Variants in CDH2 observed in about 807,000 individuals in gnomAD.
CDH2 encodes cadherin 2, also known as cadherin-2.
CDH2 carries 17 observed loss-of-function variants against 92.0 expected under a neutral mutation model. The observed-to-expected ratio is 0.18, with a 90% CI of 0.13 to 0.28. The LOEUF is 0.28. Ranked by LOEUF, CDH2 falls within the 10% of genes least tolerant of loss-of-function variation. The pLI, the probability that CDH2 is intolerant of heterozygous loss-of-function variation, is 1.00. For missense variants in CDH2, 862 were observed against 1,133.1 expected (o/e 0.76, Z 3.44); for synonymous variants, 419 against 415.9 (o/e 1.01, Z -0.09).
intron 1 of CDH2, among the ~76,000 whole-genome samples, chr18:28,162,688 G>C (rs1014035238): frequency 1.3e-5 from 2 of 152,142 alleles, no homozygotes; most frequent in South Asian, 4.2e-4. Flanking sequence ...CTCCCACTGG[G>C]TCCATTCTTT....
At chr18:28,043,158 T>C (rs1330135925) in intron 2 of CDH2, among the ~76,000 whole-genome samples, 1 of 152,074 alleles carries the variant, frequency 6.6e-6, no homozygotes, top group Non-Finnish European at 1.5e-5. Context: ...GCAACTTGGA[T>C]GGAGCTGGAG....
chr18:27,984,996 T>G lies in CDH2; in HGVS notation c.2209+4A>C. On this transcript the variant is annotated splice_donor_region_variant and intron_variant, in intron 13 of 15. Transcript: ENST00000269141. The stretch of plus-strand genomic sequence containing the variant: ...GAAATCTAAAAGACAATAAAAGTAC[T>G]CACTAAGCAGGATGATGATGCAGAG... 6.2e-7 allele frequency: 1 copy of G among 1,602,872 alleles called. No homozygotes were observed. Among genetic ancestry groups the G allele is most frequent in the Non-Finnish European group, 8.5e-7 (1 of 1,169,910 alleles).
At chr18:27,939,711 A>G (rs1262977859) in intron 6 of CDH2, among the ~76,000 whole-genome samples, 1 of 152,126 alleles carries the variant, frequency 6.6e-6, no homozygotes, top group African/African-American at 2.4e-5. Context: ...ATGTGGTTTA[A>G]TTTTGTTTTT....
chr18:27,959,731 T>C (rs2011347314), intron 15 of CDH2, among the ~76,000 whole-genome samples: 1 of 152,170 alleles, frequency 6.6e-6, no homozygotes. Flanking sequence ...AAACTATCGT[T>C]TTGATTGTTT....
chr18:28,032,229 A>AACC (rs1488219279), intron 2 of CDH2, among the ~76,000 whole-genome samples: 4 of 151,954 alleles, frequency 2.6e-5, no homozygotes, highest in Non-Finnish European at 5.9e-5. Context: ...TAATATACAA[A>AACC]ACCAACAACA....
intron 1 of CDH2, among the ~76,000 whole-genome samples, chr18:28,165,203 G>A (rs2016360377): frequency 6.6e-6 from 1 of 152,142 alleles, no homozygotes; most frequent in African/African-American, 2.4e-5. Context: ...TATTATTAGA[G>A]ACACAGTCTT....
chr18:28,036,787 A>C (rs1382728881), intron 2 of CDH2, among the ~76,000 whole-genome samples: 1 of 152,148 alleles, frequency 6.6e-6, no homozygotes, highest in African/African-American at 2.4e-5. Flanking sequence ...GGCACAACAC[A>C]AAACCTTCCT....
intron 2 of CDH2, among the ~76,000 whole-genome samples, chr18:28,033,681 A>C (rs2013755054): frequency 6.6e-6 from 1 of 152,128 alleles, no homozygotes. Context: ...TCAAAAATAC[A>C]CAATATAATA....
chr18:28,114,411 C>T (rs962584274), intron 2 of CDH2, among the ~76,000 whole-genome samples: 1 of 151,900 alleles, frequency 6.6e-6, no homozygotes, highest in Non-Finnish European at 1.5e-5. Flanking sequence ...CCTCTATGCA[C>T]ACAGTACACT....
At chr18:28,009,676 A>T (rs200246846) in intron 5 of CDH2, 41 bp downstream of exon 5, 1 of 1,594,308 alleles carries the variant, frequency 6.3e-7, no homozygotes, top group South Asian at 1.1e-5. Context: ...AGACATTTAG[A>T]ACTGTTAATA....
Position 27,951,161 on chromosome 18 carries a change from CTT to C in CDH2, c.*990_*991del, listed in dbSNP as rs17497862. 3.2e-3 allele frequency: 407 copies of C among 128,292 alleles called. No homozygotes were observed. The highest frequency in any genetic ancestry group is 3.8e-3 in the Middle Eastern group (1 of 264). 7.9% of individuals were successfully genotyped at this position (128,292 alleles called of 1,614,324 possible). A position where few individuals can be genotyped will look rare whatever the true frequency, so the allele number is the denominator to read the frequency against. ...TCAGGCCACCCCTTTCTTTCCTTTC[CTT>C]TTTTTTTTTTTTTGGTACAAATTAT... is the stretch of plus-strand genomic sequence containing the variant. On this transcript the variant is annotated 3_prime_UTR_variant, in exon 16 of 16. Transcript: ENST00000269141.
At chr18:28,155,970 C>A (rs1298289405) in intron 1 of CDH2, among the ~76,000 whole-genome samples, 3 of 152,134 alleles carry the variant, frequency 2.0e-5, no homozygotes, top group African/African-American at 7.2e-5. Flanking sequence ...AGAAGTTTAA[C>A]CCTGAACAGC....
At chr18:28,157,237 A>G (rs776715543) in intron 1 of CDH2, among the ~76,000 whole-genome samples, 1 of 152,226 alleles carries the variant, frequency 6.6e-6, no homozygotes, top group Non-Finnish European at 1.5e-5. Context: ...CAGAGACTGC[A>G]ACACGCTTAT....
intron 14 of CDH2, among the ~76,000 whole-genome samples, chr18:27,970,727 A>G (rs1315623328): frequency 2.6e-5 from 4 of 152,232 alleles, no homozygotes; most frequent in Non-Finnish European, 5.9e-5. Context: ...GTCTATAACA[A>G]TGTTCAACAA....
intron 2 of CDH2, among the ~76,000 whole-genome samples, chr18:28,119,923 G>C (rs1275053289): frequency 3.3e-5 from 5 of 151,980 alleles, no homozygotes; most frequent in African/African-American, 1.2e-4. Flanking sequence ...GACTGCAAAT[G>C]AGGGCAATAC....
At chr18:28,004,614 A>G (rs1010809217) in intron 6 of CDH2, among the ~76,000 whole-genome samples, 2 of 152,244 alleles carry the variant, frequency 1.3e-5, no homozygotes, top group Non-Finnish European at 2.9e-5. Flanking sequence ...TAATAGAGAA[A>G]AAAAAGAAAA....
intron 2 of CDH2, among the ~76,000 whole-genome samples, chr18:28,131,685 TG>T (rs2015773870): frequency 4.7e-5 from 7 of 149,266 alleles, no homozygotes; most frequent in Admixed American, 6.6e-5. Flanking sequence ...GCATTTGTGG[TG>T]TGTGTGTGTG....
In CDH2 at chr18:28,005,907, G is replaced by A. The variant is rs1306515133; in HGVS notation, c.789C>T (p.Asn263=). The change falls in exon 6 of 16, where the codon AAC becomes AAT. Residue 263 remains asparagine, a synonymous_variant. Coordinates refer to ENST00000269141, the MANE Select transcript of CDH2 (RefSeq NM_001792.5). ...IVINVIDMND[N]RPEFLHQVWN... ...AAACCTGGTGTAAGAACTCAGGTCT[G>A]TTGTCATTCATGTCAATAACATTGA... 1 of 1,611,330 alleles carries A rather than the reference G, an allele frequency of 6.2e-7. No homozygotes were observed. Among genetic ancestry groups the A allele is most frequent in the African/African-American group, 1.3e-5 (1 of 74,986 alleles).
intron 2 of CDH2, among the ~76,000 whole-genome samples, chr18:28,083,238 G>A (rs1479632431): frequency 6.6e-6 from 1 of 152,028 alleles, no homozygotes; most frequent in East Asian, 1.9e-4. Context: ...CCTGAATTTT[G>A]TATTTTATTG....
Sources: gnomAD v4.1 joint callset for allele counts (sites outside exome capture counted in the v4.1 genomes callset) on GRCh38, gnomAD v4.1.1 for gene constraint, MANE v1.5 for transcripts, NCBI Gene and HGNC (gene_info 2026-07-23, HGNC 2026-07-21) for gene names.